The following SSBP4 variants were observed in gnomAD, a reference collection of about 807,000 sequenced individuals.
SSBP4 encodes the protein single stranded DNA binding protein 4, also known as single-stranded DNA-binding protein 4.
A neutral mutation model predicts 64.6 loss-of-function variants in SSBP4; 33 were observed. That is an observed-to-expected ratio of 0.51 (90% CI 0.39 to 0.68). The LOEUF (loss-of-function observed/expected upper bound fraction) is 0.68. SSBP4 is among the 30% of genes least tolerant of loss of function. SSBP4 has a pLI of 0.00. For missense variants in SSBP4, 583 were observed against 566.8 expected (o/e 1.03, Z -0.29); for synonymous variants, 243 against 224.0 (o/e 1.08, Z -0.76).
chr19:18,432,556 C>T lies in SSBP4; in HGVS notation c.705-3C>T. On this transcript the variant is annotated splice_polypyrimidine_tract_variant and splice_region_variant and intron_variant, in intron 10 of 17. Coordinates refer to ENST00000270061, the MANE Select transcript of SSBP4 (RefSeq NM_032627.5). ...AGAGTCTGTCATCCGCGGTCTCTTC[C>T]AGGGGCCCAGGAGTTCGTGGCCCGT... is the stretch of plus-strand genomic sequence containing the variant. 3 of 1,539,958 alleles carry T rather than the reference C, an allele frequency of 1.9e-6. No homozygotes were observed. The highest frequency in any genetic ancestry group is 2.3e-5 in the South Asian group (2 of 85,414).
intron 6 of SSBP4, 101 bp downstream of exon 6, chr19:18,431,519 G>A (rs978435547): frequency 7.4e-7 from 1 of 1,351,094 alleles, no homozygotes; most frequent in Non-Finnish European, 1.0e-6. Flanking sequence ...GTGCCAGCTG[G>A]CCGGGCTTTG....
chr19:18,433,292 CCG>C, intron 15 of SSBP4, 79 bp downstream of exon 15: 1 of 1,504,010 alleles, frequency 6.6e-7, no homozygotes, highest in Non-Finnish European at 8.9e-7. Context: ...TGCCGTCAGC[CCG>C]CCTGCCGGGT....
intron 4 of SSBP4, among the ~76,000 whole-genome samples, chr19:18,429,479 G>GCCAGAGCCCAGA (rs1973163176): frequency 6.8e-6 from 1 of 147,260 alleles, no homozygotes; most frequent in Non-Finnish European, 1.5e-5. Flanking sequence ...GCGGGGGGGG[G>GCCAGAGCCCAGA]GTGCGGTGGA....
At chr19:18,428,884 A>T (rs1973072901) in intron 4 of SSBP4, among the ~76,000 whole-genome samples, 1 of 152,110 alleles carries the variant, frequency 6.6e-6, no homozygotes, top group African/African-American at 2.4e-5. Context: ...TAGTCCCGCT[A>T]GATCTGGGGC....
chr19:18,427,725 C>T lies in SSBP4; in HGVS notation c.133-27C>T, dbSNP rs750842551. On this transcript the variant is annotated intron_variant, in intron 2 of 17. Transcript: ENST00000270061. This position sits in a 1 kb window ranked among gnomAD's most constrained non-coding sequence, Gnocchi z 4.4. ...GTGGGGCAGGGTCAGGTAGGGCCAC[C>T]CCCTCACCACCTTCCTTTCCCTGCA... 1.9e-6 allele frequency: 3 copies of T among 1,560,558 alleles called. No homozygotes were observed. The highest frequency in any genetic ancestry group is 2.6e-6 in the Non-Finnish European group (3 of 1,147,968).
Position 18,427,602 on chromosome 19 carries a change from G to T in SSBP4, c.133-150G>T. ...AGGCATCTGGTCCACATGCCCAGCC[G>T]GGACCTGCCACACATCCTGGGGCCC... On this transcript the variant is annotated intron_variant, in intron 2 of 17. Transcript: ENST00000270061. The surrounding 1 kb of genome is among the most constrained non-coding windows in gnomAD (Gnocchi z 4.4). 2.6e-6 allele frequency: 3 copies of T among 1,176,076 alleles called. No homozygotes were observed. The highest frequency in any genetic ancestry group is 3.1e-5 in the South Asian group (2 of 64,930). The allele number at this position is 1,176,076 out of a possible 1,614,324, so 72.9% of individuals were successfully genotyped here. A position where few individuals can be genotyped will look rare whatever the true frequency, so the allele number is the denominator to read the frequency against.
At chr19:18,414,484 C>T (rs976392785), upstream of SSBP4, among the ~76,000 whole-genome samples, 3 of 152,174 alleles carry the variant, frequency 2.0e-5, no homozygotes, top group South Asian at 2.1e-4. Flanking sequence ...GAGTGAGACA[C>T]CCATATCTAA....
chr19:18,408,905 TG>T, the SSBP4 span, among the ~76,000 whole-genome samples: 1 of 151,664 alleles, frequency 6.6e-6, no homozygotes, highest in Non-Finnish European at 1.5e-5. Context: ...CTCCACTTCC[TG>T]GGCTCAAGCG....
the SSBP4 span, among the ~76,000 whole-genome samples, chr19:18,413,721 G>A: frequency 6.6e-6 from 1 of 152,092 alleles, no homozygotes; most frequent in Non-Finnish European, 1.5e-5. Flanking sequence ...TCCTTAGACG[G>A]GGCATTCCCA....
chr19:18,407,669 G>A, the SSBP4 span, among the ~76,000 whole-genome samples: 6 of 152,002 alleles, frequency 3.9e-5, no homozygotes, highest in African/African-American at 1.5e-4. Flanking sequence ...CTGACCTCGT[G>A]ATCCACCCAC....
Position 18,434,053 on chromosome 19 carries a change from G to T in SSBP4, c.1129-164G>T, listed in dbSNP as rs955383747. ...CCCCACCCCGGGACCCGCGCCCCAGGGCGGCCTTCCCATGCATCGCCCCTC... is the reference window on the plus strand; with the variant it reads ...CCCCACCCCGGGACCCGCGCCCCAGTGCGGCCTTCCCATGCATCGCCCCTC... On this transcript the variant is annotated intron_variant, in intron 17 of 17. Coordinates refer to ENST00000270061, the MANE Select transcript of SSBP4 (RefSeq NM_032627.5). 6 of 1,164,138 alleles carry T rather than the reference G, an allele frequency of 5.2e-6. No homozygotes were observed. In the African/African-American group the frequency reaches 6.7e-5, roughly 13 times the overall value. 72.1% of individuals were successfully genotyped at this position (1,164,138 alleles called of 1,614,324 possible).
chr19:18,402,742 C>T, the SSBP4 span, among the ~76,000 whole-genome samples: 1 of 152,122 alleles, frequency 6.6e-6, no homozygotes, highest in Non-Finnish European at 1.5e-5. Flanking sequence ...TCTCGAGTAA[C>T]CAGGGGCACA....
Position 18,419,673 on chromosome 19 carries a change from T to C in SSBP4, c.25T>C (p.Ser9Pro). 2 of 1,216,122 alleles carry C rather than the reference T, an allele frequency of 1.6e-6. No individual in the cohort carries two copies. The highest frequency in any genetic ancestry group is 1.0e-6 in the Non-Finnish European group (1 of 973,158). The allele number at this position is 1,216,122 out of a possible 1,614,324, so 75.3% of individuals were successfully genotyped here. A position where few individuals can be genotyped will look rare whatever the true frequency, so the allele number is the denominator to read the frequency against. The change falls in exon 1 of 18, where the codon TCG becomes CCG. Residue 9 changes from serine to proline, a missense_variant. Transcript: ENST00000270061. Reference protein sequence around the residue: MYAKGGKGSAVPSDSQARE... With the variant: MYAKGGKGPAVPSDSQARE... Reference sequence around the variant, plus strand: ...CATGTACGCCAAGGGGGGCAAGGGTTCGGCCGTGCCCTCCGACAGCCAGGC... The same window carrying C: ...CATGTACGCCAAGGGGGGCAAGGGTCCGGCCGTGCCCTCCGACAGCCAGGC...
chr19:18,420,125 G>A (rs1972335016), intron 1 of SSBP4: 1 of 152,318 alleles, frequency 6.6e-6, no homozygotes, highest in South Asian at 2.1e-4. Flanking sequence ...GGGGATCGAG[G>A]TCAGCGAAGT....
chr19:18,407,244 G>T, the SSBP4 span, among the ~76,000 whole-genome samples: 3 of 151,876 alleles, frequency 2.0e-5, no homozygotes, highest in East Asian at 5.8e-4. Flanking sequence ...CACCTTGTTG[G>T]CCAGGCTGGT....
At position 18,431,815 on chromosome 19, in the gene SSBP4, C is replaced by T; in HGVS notation, c.518C>T (p.Ser173Phe). 2 of 1,564,842 alleles carry T rather than the reference C, an allele frequency of 1.3e-6. No homozygotes were observed. Among genetic ancestry groups the T allele is most frequent in the Non-Finnish European group, 1.7e-6 (2 of 1,153,800 alleles). ...CAGCCTCCCGCAGGCCTCCCTGGCT[C>T]CCAGCCCCTCCTCCCTGGCGCCATG... ...PSQPPAGLPG[S>F]QPLLPGAMEP... Residue 173 changes from serine (S) to phenylalanine (F), a missense_variant, in exon 8 of 18, where the codon TCC becomes TTC. This residue lies in a region of SSBP4 where 444 missense variants were observed against 386.6 expected (regional missense o/e 1.15). Transcript: ENST00000270061.
At position 18,434,412 on chromosome 19, in the gene SSBP4, G is replaced by T; in HGVS notation, c.*166G>T. 3 of 1,270,820 alleles carry T rather than the reference G, an allele frequency of 2.4e-6. No homozygotes were observed. The highest frequency in any genetic ancestry group is 2.7e-4 in the Middle Eastern group (1 of 3,644). The allele number at this position is 1,270,820 out of a possible 1,614,324, so 78.7% of individuals were successfully genotyped here. ...AGACTCTTACCATTTTATTAAAAACGCAAGGACCTCAGAGACGTTCTTTTC... is the reference window on the plus strand; with the variant it reads ...AGACTCTTACCATTTTATTAAAAACTCAAGGACCTCAGAGACGTTCTTTTC... On this transcript the variant is annotated 3_prime_UTR_variant, in exon 18 of 18. Transcript: ENST00000270061.
chr19:18,419,593 C>A lies in SSBP4; in HGVS notation c.-56C>A. The A allele has an allele frequency of 8.1e-7, 1 of 1,231,806 alleles. No homozygotes were observed. Among genetic ancestry groups the A allele is most frequent in the Middle Eastern group, 3.0e-4 (1 of 3,362 alleles). The allele number at this position is 1,231,806 out of a possible 1,614,324, so 76.3% of individuals were successfully genotyped here. ...GGGGTAGCTATGGCGACGGCAAGCGCGGCCCGCGGCGCCGCCTGACAGGTG... is the reference window on the plus strand; with the variant it reads ...GGGGTAGCTATGGCGACGGCAAGCGAGGCCCGCGGCGCCGCCTGACAGGTG... On this transcript the variant is annotated 5_prime_UTR_variant, in exon 1 of 18. Transcript: ENST00000270061.
In SSBP4 at chr19:18,427,958, C is replaced by A. The variant is rs1355911670; in HGVS notation, c.255C>A (p.Gly85=). ...GAAGAGAGGCCTGCGAGCACTCCGG[C>A]GAGGCCAAGGCCTTCCAGGACTATG... The part of the protein sequence containing the change: ...PDRREACEHS[G]EAKAFQDYSA... Residue 85 remains glycine (G), a synonymous_variant, in exon 4 of 18, where the codon GGC becomes GGA. Coordinates refer to ENST00000270061, the MANE Select transcript of SSBP4 (RefSeq NM_032627.5). This position sits in a 1 kb window ranked among gnomAD's most constrained non-coding sequence, Gnocchi z 4.4. 1 of 1,612,474 alleles carries A rather than the reference C, an allele frequency of 6.2e-7. No homozygotes were observed. The highest frequency in any genetic ancestry group is 8.5e-7 in the Non-Finnish European group (1 of 1,179,710).
Sources: allele counts gnomAD v4.1 joint callset (sites outside exome capture counted in the v4.1 genomes callset), GRCh38; gene constraint gnomAD v4.1.1; regional missense constraint gnomAD v4.1.1; non-coding constraint Gnocchi (gnomAD v3.1); transcripts MANE v1.5; gene names NCBI Gene and HGNC (gene_info 2026-07-23, HGNC 2026-07-21).